TEAD1: variants seen among roughly 807,000 people sequenced by gnomAD.
The protein encoded by TEAD1 is transcriptional enhancer factor TEF-1.
A neutral mutation model predicts 54.9 loss-of-function variants in TEAD1; 9 were observed. That is an observed-to-expected ratio of 0.16 (90% CI 0.10 to 0.29). The LOEUF is 0.29. TEAD1 is among the 10% of genes least tolerant of loss of function. TEAD1 has a pLI of 1.00. For synonymous variants in TEAD1, 200 were observed against 187.8 expected, an observed-to-expected ratio of 1.07 and a Z score of -0.53; for missense variants, 387 against 535.9, an observed-to-expected ratio of 0.72 and a Z score of 2.74.
chr11:12,734,934 C>T (rs191649348), intron 2 of TEAD1, among the ~76,000 whole-genome samples: 41 of 152,106 alleles, frequency 2.7e-4, no homozygotes, highest in African/African-American at 8.9e-4. Flanking sequence ...ACAAACACAC[C>T]GCCATATATA....
At chr11:12,887,441 G>T (rs540905477) in intron 9 of TEAD1, among the ~76,000 whole-genome samples, 1 of 152,276 alleles carries the variant, frequency 6.6e-6, no homozygotes, top group East Asian at 1.9e-4. Context: ...GACATGTGAG[G>T]GCCTGAAGGT....
intron 12 of TEAD1, among the ~76,000 whole-genome samples, chr11:12,931,104 CA>C (rs1244600156): frequency 6.6e-6 from 1 of 152,110 alleles, no homozygotes; most frequent in African/African-American, 2.4e-5. Flanking sequence ...TATCTCAAAA[CA>C]AACAGACAAA....
chr11:12,781,209 A>G (rs1431842076), intron 3 of TEAD1, among the ~76,000 whole-genome samples: 1 of 152,248 alleles, frequency 6.6e-6, no homozygotes, highest in African/African-American at 2.4e-5. Context: ...TAGATGTAAA[A>G]GCTATGATTA....
intron 10 of TEAD1, among the ~76,000 whole-genome samples, chr11:12,920,253 G>A (rs977015836): frequency 7.9e-5 from 12 of 152,184 alleles, no homozygotes; most frequent in East Asian, 3.8e-4. Context: ...ATGGAACCTC[G>A]TACAGACAGA....
In TEAD1 at chr11:12,879,797, G is replaced by A. The variant is rs768347911; in HGVS notation, c.420G>A (p.Leu140=). The A allele has an allele frequency of 6.2e-7, 1 of 1,614,096 alleles. No individual in the cohort carries two copies. Residue 140 remains leucine (L), a synonymous_variant, in exon 6 of 13, where the codon CTG becomes CTA. Coordinates refer to ENST00000527636, the MANE Select transcript of TEAD1 (RefSeq NM_021961.6). ...CGGCCACTGCCATTCATAACAAGCT[G>A]GGGCTGCCTGGGATTCCACGCCCGA...
chr11:12,714,588 T>A (rs554288724), intron 2 of TEAD1, among the ~76,000 whole-genome samples: 1 of 152,230 alleles, frequency 6.6e-6, no homozygotes, highest in African/African-American at 2.4e-5. Context: ...AGGCATGGAC[T>A]CATCCCTCTT....
At chr11:12,752,994 C>G (rs935245454) in intron 2 of TEAD1, among the ~76,000 whole-genome samples, 1 of 151,566 alleles carries the variant, frequency 6.6e-6, no homozygotes, top group Non-Finnish European at 1.5e-5. Flanking sequence ...CATGCGCCAC[C>G]AACACCCAGC....
intron 3 of TEAD1, chr11:12,850,915 G>GAATGCT (rs1947260290): frequency 4.7e-6 from 1 of 213,062 alleles, no homozygotes; most frequent in African/African-American, 2.4e-5. Context: ...CAATGAGCAT[G>GAATGCT]CATTGGTCAT....
intron 10 of TEAD1, among the ~76,000 whole-genome samples, chr11:12,911,711 G>T (rs1948622046): frequency 6.7e-6 from 1 of 149,064 alleles, no homozygotes; most frequent in African/African-American, 2.5e-5. Flanking sequence ...CTCTTGATAG[G>T]CCCTGCTATT....
Position 12,705,040 on chromosome 11 carries a change from A to G in TEAD1, c.-55+29479A>G, listed in dbSNP as rs1157720591. On this transcript the variant is annotated intron_variant, in intron 2 of 12. Transcript: ENST00000527636. ...AATGAGTGAGTGGATGATTGAATGGAAAGAGACTCCATCCTCTGGGAAGGA... is the reference window on the plus strand; with the variant it reads ...AATGAGTGAGTGGATGATTGAATGGGAAGAGACTCCATCCTCTGGGAAGGA... 2.6e-5 allele frequency among the ~76,000 whole-genome samples: 4 copies of G among 152,212 alleles called. No homozygotes were observed. The East Asian group carries it at 7.7e-4, about 29-fold the overall frequency.
chr11:12,711,557 C>T (rs1334307730), intron 2 of TEAD1, among the ~76,000 whole-genome samples: 3 of 152,170 alleles, frequency 2.0e-5, no homozygotes, highest in Non-Finnish European at 4.4e-5. Context: ...AGGCCAAGTC[C>T]TCTCTTCATT....
intron 9 of TEAD1, among the ~76,000 whole-genome samples, chr11:12,888,340 C>G (rs914802169): frequency 6.6e-6 from 1 of 152,200 alleles, no homozygotes; most frequent in African/African-American, 2.4e-5. Context: ...GAAACCCTAT[C>G]TCTACTAAAA....
intron 9 of TEAD1, among the ~76,000 whole-genome samples, chr11:12,899,456 CTG>C (rs1367050440): frequency 1.3e-5 from 2 of 152,052 alleles, no homozygotes; most frequent in East Asian, 1.9e-4. Context: ...GCAGCTGTGA[CTG>C]TGTCTCATAC....
chr11:12,857,987 C>G (rs920824831), intron 3 of TEAD1, among the ~76,000 whole-genome samples: 1 of 152,110 alleles, frequency 6.6e-6, no homozygotes, highest in Non-Finnish European at 1.5e-5. Context: ...TACCACAGTC[C>G]CGTGCTACTT....
intron 2 of TEAD1, among the ~76,000 whole-genome samples, chr11:12,717,376 T>C (rs1258851271): frequency 3.3e-5 from 5 of 152,188 alleles, no homozygotes; most frequent in Non-Finnish European, 7.3e-5. Context: ...CTGAGTGTCT[T>C]GACTGATGGA....
intron 3 of TEAD1, among the ~76,000 whole-genome samples, chr11:12,829,084 G>T (rs571659007): frequency 8.5e-5 from 13 of 152,202 alleles, no homozygotes; most frequent in African/African-American, 3.1e-4. Flanking sequence ...TGTTATTGCT[G>T]ATTGAGGTAG....
Position 12,919,904 on chromosome 11 carries a change from C to T in TEAD1, c.874-5008C>T, listed in dbSNP as rs190836583. On this transcript the variant is annotated intron_variant, in intron 10 of 12. Transcript: ENST00000527636. ...ATTATCCATTATATTACTTCTCCTT[C>T]AGTAACACATGTGGACTCAGCCTAG... is the stretch of plus-strand genomic sequence containing the variant. 1.8e-4 allele frequency among the ~76,000 whole-genome samples: 28 copies of T among 152,284 alleles called. No homozygotes were observed. The East Asian group carries it at 4.4e-3, about 24-fold the overall frequency.
chr11:12,921,999 C>A (rs1412839592), intron 10 of TEAD1, among the ~76,000 whole-genome samples: 3 of 152,162 alleles, frequency 2.0e-5, no homozygotes, highest in African/African-American at 7.2e-5. Context: ...AAGCTCACTA[C>A]ATTTATGGGT....
chr11:12,809,138 A>AT (rs1946237713), intron 3 of TEAD1, among the ~76,000 whole-genome samples: 1 of 152,146 alleles, frequency 6.6e-6, no homozygotes, highest in Non-Finnish European at 1.5e-5. Flanking sequence ...CTTTCCCTGC[A>AT]TGGCAAGTGT....
Sources: gnomAD v4.1 joint callset for allele counts (sites outside exome capture counted in the v4.1 genomes callset) on GRCh38, gnomAD v4.1.1 for gene constraint, MANE v1.5 for transcripts, NCBI Gene and HGNC (gene_info 2026-07-23, HGNC 2026-07-21) for gene names.